Variants in CMTM5 observed in about 807,000 individuals in gnomAD.
CMTM5 encodes the protein CKLF like MARVEL transmembrane domain containing 5, also known as CKLF-like MARVEL transmembrane domain-containing protein 5.
In CMTM5, 25 loss-of-function variants were observed where a neutral mutation model predicts 26.9. The observed-to-expected ratio is 0.93, with a 90% CI of 0.68 to 1.30. The LOEUF is 1.30. CMTM5 is among the 50% of genes most tolerant of loss of function. The pLI is 0.00. For missense variants in CMTM5, 292 were observed against 289.6 expected (o/e 1.01, Z -0.06); for synonymous variants, 98 against 115.5 (o/e 0.85, Z 0.97).
rs1309060830 is a variant in CMTM5 at position 23,378,874 on chromosome 14, G to A, written c.480+5G>A. On this transcript the variant is annotated splice_donor_5th_base_variant and intron_variant, in intron 3 of 5. Coordinates refer to ENST00000339180, the MANE Select transcript of CMTM5 (RefSeq NM_001288746.2). This position sits in a 1 kb window ranked among gnomAD's most constrained non-coding sequence, Gnocchi z 4.2. ...TTCCACTCCCTGGGTAGCAGTGTGA[G>A]CGCTCTGTCTCTTGAATGTGCTTCA... is the stretch of plus-strand genomic sequence containing the variant. The A allele has an allele frequency of 7.4e-6, 12 of 1,613,168 alleles. No homozygotes were observed. Among genetic ancestry groups the A allele is most frequent in the South Asian group, 1.1e-5 (1 of 91,000 alleles).
At chr14:23,379,179 C>T in intron 4 of CMTM5, 56 bp downstream of exon 4, 2 of 1,601,632 alleles carry the variant, frequency 1.2e-6, no homozygotes, top group Non-Finnish European at 1.7e-6. Flanking sequence ...CTGGTGCTTG[C>T]ACACTTTCTG....
In CMTM5 at chr14:23,377,562, ACATTTAC is replaced by A; in HGVS notation, c.126+186_126+192del. ...CTTCTTGCTGCCTCTCCACCCGGAG[ACATTTAC>A]AGCAGGTTTCAGTTGCAGCAGGAAG... On this transcript the variant is annotated intron_variant, in intron 1 of 5. Transcript: ENST00000339180. This position sits in a 1 kb window ranked among gnomAD's most constrained non-coding sequence, Gnocchi z 4.6. 1.7e-6 allele frequency: 1 copy of A among 597,798 alleles called. No individual in the cohort carries two copies. The highest frequency in any genetic ancestry group is 2.7e-6 in the Non-Finnish European group (1 of 370,492). The allele number at this position is 597,798 out of a possible 1,614,324, so 37.0% of individuals were successfully genotyped here.
rs778640750 is a variant in CMTM5 at position 23,379,027 on chromosome 14, C to T, written c.481-4C>T. 7 of 1,614,104 alleles carry T rather than the reference C, an allele frequency of 4.3e-6. No individual in the cohort carries two copies. Among genetic ancestry groups the T allele is most frequent in the Non-Finnish European group, 5.9e-6 (7 of 1,180,010 alleles). On this transcript the variant is annotated splice_polypyrimidine_tract_variant and splice_region_variant and intron_variant, in intron 3 of 5. Coordinates refer to ENST00000339180, the MANE Select transcript of CMTM5 (RefSeq NM_001288746.2). ...CCTGTTAACCCTGCACCCCTGGCCC[C>T]CAGGACTTCCTGCGCTGTGTCAGTG...
At chr14:23,376,960 C>T (rs1191796500), upstream of CMTM5, 2 of 411,764 alleles carry the variant, frequency 4.9e-6, no homozygotes, top group African/African-American at 4.2e-5. Context: ...GGGTTGGGCT[C>T]TAAGCAAGGG....
At position 23,377,286 on chromosome 14, in the gene CMTM5, C is replaced by T. The variant is rs768510800; in HGVS notation, c.35C>T (p.Pro12Leu). The change falls in exon 1 of 6, where the codon CCT becomes CTT. Residue 12 changes from proline to leucine, a missense_variant. Coordinates refer to ENST00000339180, the MANE Select transcript of CMTM5 (RefSeq NM_001288746.2). The surrounding 1 kb of genome is among the most constrained non-coding windows in gnomAD (Gnocchi z 4.6). ...LSARDRRDRH[P>L]EEGVVAELQG... ...GCTCGAGATCGCCGGGACCGGCACCCTGAGGAGGGGGTAGTTGCAGAGCTC... is the reference window on the plus strand; with the variant it reads ...GCTCGAGATCGCCGGGACCGGCACCTTGAGGAGGGGGTAGTTGCAGAGCTC... The T allele has an allele frequency of 3.2e-5, 52 of 1,612,418 alleles. No individual in the cohort carries two copies. Among genetic ancestry groups the T allele is most frequent in the Middle Eastern group, 1.6e-4 (1 of 6,076 alleles).
chr14:23,378,672 C>G lies in CMTM5; in HGVS notation c.283C>G (p.Gln95Glu). The change falls in exon 3 of 6, where the codon CAG becomes GAG. Residue 95 changes from glutamine (Q) to glutamate (E), a missense_variant. Transcript: ENST00000339180. The surrounding 1 kb of genome is among the most constrained non-coding windows in gnomAD (Gnocchi z 4.2). ...FDRINWPCLL[Q>E]GHGQSGGPHP... Reference sequence around the variant, plus strand: ...TTGACTCACACTGATTTCACAGCTGCAGGGCCACGGGCAATCAGGAGGACC... The same window carrying G: ...TTGACTCACACTGATTTCACAGCTGGAGGGCCACGGGCAATCAGGAGGACC... 6.2e-7 allele frequency: 1 copy of G among 1,613,272 alleles called. No homozygotes were observed. Among genetic ancestry groups the G allele is most frequent in the Non-Finnish European group, 8.5e-7 (1 of 1,179,846 alleles).
At chr14:23,379,178 GCA>G in intron 4 of CMTM5, 55 bp downstream of exon 4, 5 of 1,601,842 alleles carry the variant, frequency 3.1e-6, no homozygotes, top group Non-Finnish European at 4.3e-6. Flanking sequence ...GCTGGTGCTT[GCA>G]CACTTTCTGT....
rs1265801925 is a variant in CMTM5 at position 23,379,565 on chromosome 14, T to G, written c.*78T>G. ...CCAGACACGTCTCCTTGGGATTCAC[T>G]AGCCCCCAGCCCGCCAAACCCCACC... On this transcript the variant is annotated 3_prime_UTR_variant, in exon 6 of 6. Transcript: ENST00000339180. 9 of 1,600,864 alleles carry G rather than the reference T, an allele frequency of 5.6e-6. No homozygotes were observed. In the East Asian group the frequency reaches 2.0e-4, roughly 36 times the overall value.
chr14:23,379,004 T>G (rs1370501188), intron 3 of CMTM5, 27 bp from the exon 4 acceptor site: 1 of 1,612,882 alleles, frequency 6.2e-7, no homozygotes. Flanking sequence ...TCTGAGGTCC[T>G]GTTAACCCTG....
chr14:23,377,020 G>C (rs1429774640), upstream of CMTM5: 2 of 555,362 alleles, frequency 3.6e-6, no homozygotes, highest in Non-Finnish European at 6.3e-6. The surrounding 1 kb of genome is among the most constrained non-coding windows in gnomAD (Gnocchi z 4.6). Flanking sequence ...GGTCTCTAGG[G>C]GGCTGGTGCA....
chr14:23,379,095 C>T lies in CMTM5; in HGVS notation c.545C>T (p.Ser182Phe). 6.2e-7 allele frequency: 1 copy of T among 1,614,060 alleles called. No individual in the cohort carries two copies. Among genetic ancestry groups the T allele is most frequent in the Non-Finnish European group, 8.5e-7 (1 of 1,179,974 alleles). The change falls in exon 4 of 6, where the codon TCC becomes TTC. Residue 182 changes from serine (S) to phenylalanine (F), a missense_variant. Coordinates refer to ENST00000339180, the MANE Select transcript of CMTM5 (RefSeq NM_001288746.2). Reference sequence around the variant, plus strand: ...GTGGTCTCCTTTGCAGCTGTGACCTCCCGGGACGGAGCTGCCATTGCTGCT... The same window carrying T: ...GTGGTCTCCTTTGCAGCTGTGACCTTCCGGGACGGAGCTGCCATTGCTGCT... Reference protein sequence around the residue: ...FLVVSFAAVTSRDGAAIAAFV... With the variant: ...FLVVSFAAVTFRDGAAIAAFV...
Position 23,377,146 on chromosome 14 carries a change from T to C in CMTM5, c.-106T>C. On this transcript the variant is annotated 5_prime_UTR_variant, in exon 1 of 6. Transcript: ENST00000339180. The surrounding 1 kb of genome is among the most constrained non-coding windows in gnomAD (Gnocchi z 4.6). ...AAGCCTCCTGCTTCACTTTCAGGTT[T>C]CTCGAAGTGCCTTCTTGCTCCTGTC... 6.8e-7 allele frequency: 1 copy of C among 1,471,548 alleles called. No individual in the cohort carries two copies. The highest frequency in any genetic ancestry group is 1.2e-5 in the South Asian group (1 of 81,088). The allele number at this position is 1,471,548 out of a possible 1,614,324, so 91.2% of individuals were successfully genotyped here.
chr14:23,378,325 T>C lies in CMTM5; in HGVS notation c.127-24T>C. The stretch of plus-strand genomic sequence containing the variant: ...CCCTGCCTGTGTCCCCTTCTTGGCA[T>C]GTTCCACATGCTCGGTCCTGCAGGC... On this transcript the variant is annotated intron_variant, in intron 1 of 5. Coordinates refer to ENST00000339180, the MANE Select transcript of CMTM5 (RefSeq NM_001288746.2). This position sits in a 1 kb window ranked among gnomAD's most constrained non-coding sequence, Gnocchi z 4.2. 6.2e-7 allele frequency: 1 copy of C among 1,612,974 alleles called. No individual in the cohort carries two copies. The highest frequency in any genetic ancestry group is 8.5e-7 in the Non-Finnish European group (1 of 1,179,424).
rs201846491 is a variant in CMTM5, at chr14:23,379,017, C to A, written c.481-14C>A. 5.6e-6 allele frequency: 9 copies of A among 1,613,870 alleles called. No homozygotes were observed. In the Admixed American group the frequency reaches 1.3e-4, roughly 24 times the overall value. ...CTTCTGAGGTCCTGTTAACCCTGCA[C>A]CCCTGGCCCCCAGGACTTCCTGCGC... On this transcript the variant is annotated splice_polypyrimidine_tract_variant and intron_variant, in intron 3 of 5. Coordinates refer to ENST00000339180, the MANE Select transcript of CMTM5 (RefSeq NM_001288746.2).
At position 23,377,241 on chromosome 14, in the gene CMTM5, G is replaced by A. The variant is rs1734829246; in HGVS notation, c.-11G>A. The stretch of plus-strand genomic sequence containing the variant: ...TGGCAGTAGGGGGCTGTGTTGGTGG[G>A]CCCTACGAAGATGCTCAGTGCTCGA... On this transcript the variant is annotated 5_prime_UTR_variant, in exon 1 of 6. Transcript: ENST00000339180. The surrounding 1 kb of genome is among the most constrained non-coding windows in gnomAD (Gnocchi z 4.6). The A allele has an allele frequency of 1.2e-6, 2 of 1,611,118 alleles. No homozygotes were observed. Among genetic ancestry groups the A allele is most frequent in the African/African-American group, 2.7e-5 (2 of 74,988 alleles).
In CMTM5 at chr14:23,378,017, C is replaced by T. The variant is rs1371497171; in HGVS notation, c.127-332C>T. ...GGGCTCCTCTTGGTCCCTGTGGAGT[C>T]GGGTCTCTGTGGGCACAACTCCAGG... On this transcript the variant is annotated intron_variant, in intron 1 of 5. Transcript: ENST00000339180. This position sits in a 1 kb window ranked among gnomAD's most constrained non-coding sequence, Gnocchi z 4.2. 12 of 295,738 alleles carry T rather than the reference C, an allele frequency of 4.1e-5. No individual in the cohort carries two copies. The highest frequency in any genetic ancestry group is 6.9e-5 in the Non-Finnish European group (11 of 160,026). The allele number at this position is 295,738 out of a possible 1,614,324, so 18.3% of individuals were successfully genotyped here. A position where few individuals can be genotyped will look rare whatever the true frequency, so the allele number is the denominator to read the frequency against.
upstream of CMTM5, chr14:23,376,953 T>C (rs890179309): frequency 1.3e-5 from 5 of 389,974 alleles, no homozygotes; most frequent in East Asian, 2.5e-4. Context: ...CCAGGCTGGG[T>C]TGGGCTCTAA....
Position 23,378,991 on chromosome 14 carries a change from C to T in CMTM5, c.481-40C>T. 1 of 1,610,832 alleles carries T rather than the reference C, an allele frequency of 6.2e-7. No individual in the cohort carries two copies. Among genetic ancestry groups the T allele is most frequent in the Non-Finnish European group, 8.5e-7 (1 of 1,177,354 alleles). On this transcript the variant is annotated intron_variant, in intron 3 of 5. Coordinates refer to ENST00000339180, the MANE Select transcript of CMTM5 (RefSeq NM_001288746.2). This position sits in a 1 kb window ranked among gnomAD's most constrained non-coding sequence, Gnocchi z 4.2. The stretch of plus-strand genomic sequence containing the variant: ...GAAAACTTCAGGGTAACGCCCCCTG[C>T]CTTCTGAGGTCCTGTTAACCCTGCA...
At position 23,377,054 on chromosome 14, in the gene CMTM5, C is replaced by T. The variant is rs1288641386; in HGVS notation, c.-198C>T. The T allele has an allele frequency of 3.1e-6, 2 of 646,552 alleles. No homozygotes were observed. Among genetic ancestry groups the T allele is most frequent in the Non-Finnish European group, 5.2e-6 (2 of 387,026 alleles). The allele number at this position is 646,552 out of a possible 1,614,324, so 40.1% of individuals were successfully genotyped here. On this transcript the variant is annotated 5_prime_UTR_variant, in exon 1 of 6. Transcript: ENST00000339180. This position sits in a 1 kb window ranked among gnomAD's most constrained non-coding sequence, Gnocchi z 4.6. ...CAGGCAGCAGCAGAGGCACTCTGGGCAGCTGGGTGAGGGCCCATCTGGGCA... is the reference window on the plus strand; with the variant it reads ...CAGGCAGCAGCAGAGGCACTCTGGGTAGCTGGGTGAGGGCCCATCTGGGCA...
Sources: allele counts gnomAD v4.1 joint callset, GRCh38; gene constraint gnomAD v4.1.1; non-coding constraint Gnocchi (gnomAD v3.1); transcripts MANE v1.5; gene names NCBI Gene and HGNC (gene_info 2026-07-23, HGNC 2026-07-21).